The following DOCK3 variants were observed in gnomAD, a reference collection of about 807,000 sequenced individuals.
The protein encoded by DOCK3 is dedicator of cytokinesis protein 3.
DOCK3 carries 60 observed loss-of-function variants against 265.6 expected under a neutral mutation model. The ratio of observed to expected loss-of-function variants is 0.23; its 90% CI spans 0.18 to 0.28. The LOEUF (loss-of-function observed/expected upper bound fraction) is 0.28, where lower values mean the gene tolerates loss of function less well. Among genes scored for constraint, DOCK3 ranks in the 10% least tolerant of loss-of-function variants. DOCK3 has a pLI of 1.00. For synonymous variants in DOCK3, 881 were observed against 938.0 expected, an observed-to-expected ratio of 0.94 and a Z score of 1.11; for missense variants, 1,981 against 2,594.3, an observed-to-expected ratio of 0.76 and a Z score of 5.14.
chr3:51,166,314 G>C (rs1161849706), intron 12 of DOCK3, among the ~76,000 whole-genome samples: 1 of 152,122 alleles, frequency 6.6e-6, no homozygotes, highest in Non-Finnish European at 1.5e-5. Flanking sequence ...GCCTCCCAAA[G>C]TGCTGGGATT....
At chr3:51,007,316 T>G (rs1191637343) in intron 5 of DOCK3, among the ~76,000 whole-genome samples, 1 of 152,198 alleles carries the variant, frequency 6.6e-6, no homozygotes, top group Non-Finnish European at 1.5e-5. Context: ...GATCGCCATT[T>G]TAACTGGTGT....
At chr3:50,710,416 C>T (rs1290521734) in intron 1 of DOCK3, among the ~76,000 whole-genome samples, 1 of 152,130 alleles carries the variant, frequency 6.6e-6, no homozygotes, top group Admixed American at 6.5e-5. Context: ...TGGAGAAATG[C>T]TCAACATCAC....
intron 3 of DOCK3, among the ~76,000 whole-genome samples, chr3:50,862,747 A>G (rs1292079228): frequency 6.6e-6 from 1 of 152,014 alleles, no homozygotes; most frequent in African/African-American, 2.4e-5. Context: ...AGAGCAGGCA[A>G]CTCCATGAAT....
intron 22 of DOCK3, among the ~76,000 whole-genome samples, chr3:51,254,812 T>C (rs887849674): frequency 6.6e-6 from 1 of 152,252 alleles, no homozygotes; most frequent in African/African-American, 2.4e-5. Context: ...GGGTCTTGAC[T>C]CTTTATCCAA....
chr3:50,787,253 A>G lies in DOCK3; in HGVS notation c.121+8495A>G, dbSNP rs928468841. 3 of 525,878 alleles carry G rather than the reference A, an allele frequency of 5.7e-6. No homozygotes were observed. The African/African-American group carries it at 5.8e-5, about 10-fold the overall frequency. 32.6% of individuals were successfully genotyped at this position (525,878 alleles called of 1,614,324 possible). ...TTTGCTTCTCCAGACACCAGTGAGCATTAAATACCCTGGGGCACACGCCTG... is the reference window on the plus strand; with the variant it reads ...TTTGCTTCTCCAGACACCAGTGAGCGTTAAATACCCTGGGGCACACGCCTG... On this transcript the variant is annotated intron_variant, in intron 2 of 52. Coordinates refer to ENST00000266037, the MANE Select transcript of DOCK3 (RefSeq NM_004947.5).
intron 5 of DOCK3, among the ~76,000 whole-genome samples, chr3:51,006,214 TA>T (rs1392732367): frequency 6.7e-6 from 1 of 150,094 alleles, no homozygotes; most frequent in Non-Finnish European, 1.5e-5. Flanking sequence ...TTTAAAATTA[TA>T]AATGTTTCCT....
At position 51,083,048 on chromosome 3, in the gene DOCK3, C is replaced by A. The variant is rs1275129086; in HGVS notation, c.550-6195C>A. Among the ~76,000 whole-genome samples, 4 of 152,162 alleles carry A rather than the reference C, an allele frequency of 2.6e-5. No homozygotes were observed. The East Asian group carries it at 5.8e-4, about 22-fold the overall frequency. On this transcript the variant is annotated intron_variant, in intron 7 of 52. Coordinates refer to ENST00000266037, the MANE Select transcript of DOCK3 (RefSeq NM_004947.5). ...TGCTGCCTGGAGGCCCAAGGACTGA[C>A]CTTCCACCATGGGGTCCCACATATA...
intron 3 of DOCK3, among the ~76,000 whole-genome samples, chr3:50,855,072 G>A (rs1172503139): frequency 6.6e-6 from 1 of 151,692 alleles, no homozygotes. Flanking sequence ...GATGCTCCTG[G>A]GTTTGTTCTT....
At chr3:51,220,709 G>GTGTGTATATATATA (rs1208536854) in intron 14 of DOCK3, among the ~76,000 whole-genome samples, 2 of 132,388 alleles carry the variant, frequency 1.5e-5, no homozygotes, top group African/African-American at 3.0e-5. Flanking sequence ...GTGTGTGTGT[G>GTGTGTATATATATA]TATATATATA....
chr3:50,789,860 G>A (rs1031836430), intron 2 of DOCK3, among the ~76,000 whole-genome samples: 3 of 152,178 alleles, frequency 2.0e-5, no homozygotes, highest in Non-Finnish European at 4.4e-5. Context: ...AGCCTCCTGA[G>A]TAGCTGGGAC....
chr3:51,360,802 A>C (rs553672158), intron 47 of DOCK3, among the ~76,000 whole-genome samples, 170 bp downstream of exon 47: 1 of 152,212 alleles, frequency 6.6e-6, no homozygotes, highest in Non-Finnish European at 1.5e-5. Flanking sequence ...GTCAGTCACT[A>C]TCCTGGGTAA....
intron 2 of DOCK3, among the ~76,000 whole-genome samples, chr3:50,814,193 C>T (rs1441310068): frequency 6.6e-6 from 1 of 152,108 alleles, no homozygotes; most frequent in Non-Finnish European, 1.5e-5. Context: ...TATCCTTGTT[C>T]ATTCAGCTTC....
Position 51,170,941 on chromosome 3 carries a change from C to CAA in DOCK3, c.1037+10258_1037+10259dup, listed in dbSNP as rs146911259. On this transcript the variant is annotated intron_variant, in intron 12 of 52. Transcript: ENST00000266037. ...CTGGCCACAGAGCAAGACTCCATCTCAAAAAAAAAAAAAAAAAAAAGATTT... is the reference window on the plus strand; with the variant it reads ...CTGGCCACAGAGCAAGACTCCATCTCAAAAAAAAAAAAAAAAAAAAAAGATTT... Among the ~76,000 whole-genome samples the CAA allele has an allele frequency of 2.7e-4, 16 of 59,918 alleles. 1 individual carries two copies. The highest frequency in any genetic ancestry group is 5.9e-4 in the South Asian group (1 of 1,684). 39.3% of individuals were successfully genotyped at this position (59,918 alleles called of 152,430 possible).
intron 49 of DOCK3, among the ~76,000 whole-genome samples, chr3:51,366,356 C>T (rs1161132101): frequency 2.6e-5 from 4 of 151,948 alleles, no homozygotes; most frequent in African/African-American, 9.7e-5. Flanking sequence ...TTTTTTATTG[C>T]ATCTATTTGA....
chr3:51,106,083 G>T (rs1219072611), intron 9 of DOCK3, among the ~76,000 whole-genome samples: 1 of 152,208 alleles, frequency 6.6e-6, no homozygotes, highest in African/African-American at 2.4e-5. Flanking sequence ...GTGGAGCATG[G>T]CCAGAGATGC....
chr3:51,282,152 AC>A (rs1227290736), intron 27 of DOCK3, among the ~76,000 whole-genome samples: 1 of 152,212 alleles, frequency 6.6e-6, no homozygotes, highest in African/African-American at 2.4e-5. Context: ...GCAGAGGAGA[AC>A]AAAGGAAGAG....
chr3:51,197,662 T>A (rs1001308669), intron 12 of DOCK3, among the ~76,000 whole-genome samples: 1 of 152,090 alleles, frequency 6.6e-6, no homozygotes, highest in Non-Finnish European at 1.5e-5. Flanking sequence ...GCTCAGACCT[T>A]CAAATGGTGA....
Position 51,129,606 on chromosome 3 carries a change from C to T in DOCK3, c.747-16943C>T, listed in dbSNP as rs530367642. Among the ~76,000 whole-genome samples the T allele has an allele frequency of 3.3e-5, 5 of 152,264 alleles. No individual in the cohort carries two copies. In the South Asian group the frequency reaches 6.2e-4, roughly 19 times the overall value. Reference sequence around the variant, plus strand: ...CCAGCTCATGATAGGCCATTGAGGTCGCATGGTGACTTAACCCATAGTCAA... The same window carrying T: ...CCAGCTCATGATAGGCCATTGAGGTTGCATGGTGACTTAACCCATAGTCAA... On this transcript the variant is annotated intron_variant, in intron 9 of 52. Coordinates refer to ENST00000266037, the MANE Select transcript of DOCK3 (RefSeq NM_004947.5).
chr3:50,813,742 T>C (rs967422454), intron 2 of DOCK3, among the ~76,000 whole-genome samples: 3 of 152,114 alleles, frequency 2.0e-5, no homozygotes, highest in African/African-American at 7.2e-5. Context: ...TACAATGAAA[T>C]AGTATTCAAA....
Sources: gnomAD v4.1 joint callset for allele counts (sites outside exome capture counted in the v4.1 genomes callset) on GRCh38, gnomAD v4.1.1 for gene constraint, MANE v1.5 for transcripts, NCBI Gene and HGNC (gene_info 2026-07-23, HGNC 2026-07-21) for gene names.